The following PDZRN4 variants were observed in gnomAD, a reference collection of about 807,000 sequenced individuals.
The protein encoded by PDZRN4 is PDZ domain-containing RING finger protein 4.
A neutral mutation model predicts 99.0 loss-of-function variants in PDZRN4; 70 were observed. The ratio of observed to expected loss-of-function variants is 0.71; its 90% CI spans 0.58 to 0.86. The LOEUF (loss-of-function observed/expected upper bound fraction) is 0.86. PDZRN4 is among the 40% of genes least tolerant of loss of function. The probability of loss-of-function intolerance (pLI) is 0.00; values close to 1 mark genes in which losing one functional copy is unlikely to be tolerated. For missense variants in PDZRN4, 1,474 were observed against 1,331.2 expected (o/e 1.11, Z -1.67); for synonymous variants, 551 against 501.6 (o/e 1.10, Z -1.32).
At chr12:41,472,120 C>T (rs370406903) in intron 3 of PDZRN4, among the ~76,000 whole-genome samples, 3 of 151,918 alleles carry the variant, frequency 2.0e-5, no homozygotes, top group Admixed American at 6.6e-5. Context: ...TCTCCTGCCT[C>T]AGCCTCCCGA....
chr12:41,348,721 G>A (rs1951871166), intron 3 of PDZRN4, among the ~76,000 whole-genome samples: 1 of 152,012 alleles, frequency 6.6e-6, no homozygotes, highest in African/African-American at 2.4e-5. Context: ...TGAGTTGCAA[G>A]CTGAATTACT....
intron 3 of PDZRN4, among the ~76,000 whole-genome samples, chr12:41,219,366 T>A (rs969573979): frequency 1.3e-5 from 2 of 152,076 alleles, no homozygotes; most frequent in African/African-American, 4.8e-5. Context: ...AACTGCATAG[T>A]CTTAAACTTC....
At chr12:41,348,612 T>C (rs1380726435) in intron 3 of PDZRN4, among the ~76,000 whole-genome samples, 1 of 152,124 alleles carries the variant, frequency 6.6e-6, no homozygotes. Flanking sequence ...CTTGAATACA[T>C]GTCTTTTTAA....
intron 3 of PDZRN4, among the ~76,000 whole-genome samples, chr12:41,334,684 G>A (rs4768344): frequency 0.89 from 136,101 of 152,162 alleles, 61,099 homozygotes; most frequent in Middle Eastern, 0.96. Flanking sequence ...CACATCATAG[G>A]TAACTAGACT....
chr12:41,207,115 T>A (rs970891320), intron 3 of PDZRN4, among the ~76,000 whole-genome samples: 3 of 151,882 alleles, frequency 2.0e-5, no homozygotes, highest in Admixed American at 1.3e-4. Flanking sequence ...AGAAGAAAAA[T>A]TCTTTGTTTT....
chr12:41,549,941 T>C (rs1234188682), intron 5 of PDZRN4, among the ~76,000 whole-genome samples: 1 of 152,120 alleles, frequency 6.6e-6, no homozygotes, highest in African/African-American at 2.4e-5. Flanking sequence ...GGAGATAACT[T>C]TGAGACCTGT....
At chr12:41,354,246 T>C (rs905004739) in intron 3 of PDZRN4, among the ~76,000 whole-genome samples, 1 of 152,122 alleles carries the variant, frequency 6.6e-6, no homozygotes, top group Admixed American at 6.6e-5. Context: ...GTTATTGCAC[T>C]GATGAAGAAT....
intron 3 of PDZRN4, among the ~76,000 whole-genome samples, chr12:41,336,109 G>A (rs892216597): frequency 6.6e-6 from 1 of 152,006 alleles, no homozygotes; most frequent in Non-Finnish European, 1.5e-5. Context: ...TATTGCATGC[G>A]GACGCAACAC....
At chr12:41,227,533 C>T (rs1457590487) in intron 3 of PDZRN4, among the ~76,000 whole-genome samples, 2 of 151,954 alleles carry the variant, frequency 1.3e-5, no homozygotes, top group Non-Finnish European at 2.9e-5. Flanking sequence ...GGTGTGGTGG[C>T]ACATACCTGT....
chr12:41,568,466 A>G (rs1939418327), intron 9 of PDZRN4, among the ~76,000 whole-genome samples: 1 of 152,152 alleles, frequency 6.6e-6, no homozygotes, highest in African/African-American at 2.4e-5. Flanking sequence ...AACATTTCTC[A>G]TAGCATAGTT....
In PDZRN4 at chr12:41,506,597, C is replaced by T; in HGVS notation, c.985C>T (p.Leu329Phe). The part of the protein sequence containing the change: ...PAYGMASEVQ[L>F]MNASTQTDIT... The stretch of plus-strand genomic sequence containing the variant: ...CTATGGGATGGCTTCAGAAGTGCAG[C>T]TTATGAATGCCAGCACTCAGACGGA... Residue 329 changes from leucine (L) to phenylalanine (F), a missense_variant, in exon 4 of 10, where the codon CTT becomes TTT. Physicochemically the swap from Leu to Phe is conservative, Grantham distance 22 (BLOSUM62 0). Transcript: ENST00000402685. 2 of 1,613,916 alleles carry T rather than the reference C, an allele frequency of 1.2e-6. No homozygotes were observed. Among genetic ancestry groups the T allele is most frequent in the South Asian group, 1.1e-5 (1 of 91,074 alleles).
chr12:41,459,963 G>A (rs911340020), intron 3 of PDZRN4: 5 of 1,283,138 alleles, frequency 3.9e-6, no homozygotes, highest in African/African-American at 1.5e-5. Context: ...GCTGTGACTT[G>A]AACAATGCTA....
At chr12:41,512,935 T>A (rs563896640) in intron 5 of PDZRN4, among the ~76,000 whole-genome samples, 1 of 152,212 alleles carries the variant, frequency 6.6e-6, no homozygotes, top group African/African-American at 2.4e-5. Flanking sequence ...GAGCAATGCA[T>A]CCACACTTTA....
At chr12:41,248,993 T>A (rs80139484) in intron 3 of PDZRN4, among the ~76,000 whole-genome samples, 4,964 of 152,188 alleles carry the variant, frequency 0.033, 146 homozygotes, top group East Asian at 0.12. Flanking sequence ...ACTTAGATAG[T>A]TTTAGTGGAC....
chr12:41,385,692 C>A (rs1208767187), intron 3 of PDZRN4, among the ~76,000 whole-genome samples: 1 of 151,832 alleles, frequency 6.6e-6, no homozygotes, highest in Non-Finnish European at 1.5e-5. Flanking sequence ...GCCCACCAAC[C>A]AAAAAAAGCC....
chr12:41,380,301 C>T (rs1952114565), intron 3 of PDZRN4, among the ~76,000 whole-genome samples: 1 of 152,022 alleles, frequency 6.6e-6, no homozygotes, highest in Non-Finnish European at 1.5e-5. Flanking sequence ...CATTTAGCCA[C>T]TCTGTCTTTT....
intron 3 of PDZRN4, among the ~76,000 whole-genome samples, chr12:41,341,904 C>A (rs1951821113): frequency 6.6e-6 from 1 of 151,644 alleles, no homozygotes; most frequent in African/African-American, 2.4e-5. Context: ...CAATCCTAAG[C>A]AAAAATTAAA....
At chr12:41,384,727 A>G (rs549684921) in intron 3 of PDZRN4, among the ~76,000 whole-genome samples, 1 of 152,268 alleles carries the variant, frequency 6.6e-6, no homozygotes, top group East Asian at 1.9e-4. Flanking sequence ...CAAAGTCATC[A>G]TATGTTGACT....
intron 5 of PDZRN4, among the ~76,000 whole-genome samples, chr12:41,534,383 C>T (rs1258952884): frequency 6.6e-6 from 1 of 152,012 alleles, no homozygotes; most frequent in Non-Finnish European, 1.5e-5. Flanking sequence ...ACCTATCAAC[C>T]CAATACCTAG....
Sources: allele counts gnomAD v4.1 joint callset (sites outside exome capture counted in the v4.1 genomes callset), GRCh38; gene constraint gnomAD v4.1.1; transcripts MANE v1.5; gene names NCBI Gene and HGNC (gene_info 2026-07-23, HGNC 2026-07-21).